The following PCLO variants were observed in gnomAD, a reference collection of about 807,000 sequenced individuals.
PCLO encodes protein piccolo.
In PCLO, 82 loss-of-function variants were observed where a neutral mutation model predicts 427.5. That is an observed-to-expected ratio of 0.19 (90% CI 0.16 to 0.23). The LOEUF (loss-of-function observed/expected upper bound fraction) is 0.23. PCLO is among the 10% of genes least tolerant of loss of function. The probability of loss-of-function intolerance (pLI) is 1.00; values close to 1 mark genes in which losing one functional copy is unlikely to be tolerated. For synonymous variants in PCLO, 2,357 were observed against 2,155.4 expected, an observed-to-expected ratio of 1.09 and a Z score of -2.59; for missense variants, 6,239 against 6,115.9, an observed-to-expected ratio of 1.02 and a Z score of -0.67.
In PCLO at chr7:82,953,151, A is replaced by G; in HGVS notation, c.7802T>C (p.Ile2601Thr). ...TPTDSSASQA[I>T]TSWPLGSPSK... Reference sequence around the variant, plus strand: ...GGGTGATCCCAAGGGCCAACTGGTAATTGCTTGACTAGCAGAAGAATCTGT... The same window carrying G: ...GGGTGATCCCAAGGGCCAACTGGTAGTTGCTTGACTAGCAGAAGAATCTGT... The change falls in exon 5 of 25, where the codon ATT becomes ACT. Residue 2601 changes from isoleucine to threonine, a missense_variant. Coordinates refer to ENST00000333891, the MANE Select transcript of PCLO (RefSeq NM_033026.6). 6.2e-7 allele frequency: 1 copy of G among 1,613,960 alleles called. No homozygotes were observed. The highest frequency in any genetic ancestry group is 1.3e-5 in the African/African-American group (1 of 75,048).
chr7:82,937,318 G>A (rs1437038848), intron 6 of PCLO, among the ~76,000 whole-genome samples: 2 of 148,414 alleles, frequency 1.3e-5, no homozygotes, highest in East Asian at 3.9e-4. Context: ...GGTAATGCCT[G>A]TTAACATCCA....
intron 20 of PCLO, among the ~76,000 whole-genome samples, chr7:82,815,235 A>C (rs1356435531): frequency 6.6e-6 from 1 of 152,030 alleles, no homozygotes; most frequent in Non-Finnish European, 1.5e-5. Context: ...TGTGCACAGA[A>C]ACCCGGAGTA....
chr7:83,053,858 A>G (rs1789313313), intron 3 of PCLO, among the ~76,000 whole-genome samples: 1 of 152,004 alleles, frequency 6.6e-6, no homozygotes, highest in African/African-American at 2.4e-5. Flanking sequence ...AAAATGTCAA[A>G]CTTTAACAAA....
intron 3 of PCLO, among the ~76,000 whole-genome samples, chr7:83,114,703 G>A (rs1376436076): frequency 6.6e-6 from 1 of 152,024 alleles, no homozygotes; most frequent in African/African-American, 2.4e-5. Context: ...TCATCCATAT[G>A]TATTATCAGA....
Position 82,966,351 on chromosome 7 carries a change from T to C in PCLO, c.3437A>G (p.Gln1146Arg). 2.5e-6 allele frequency: 4 copies of C among 1,613,928 alleles called. No individual in the cohort carries two copies. Among genetic ancestry groups the C allele is most frequent in the Non-Finnish European group, 3.4e-6 (4 of 1,179,862 alleles). The change falls in exon 4 of 25, where the codon CAG becomes CGG. Residue 1146 changes from glutamine to arginine, a missense_variant. Gln to Arg is a conservative substitution (Grantham distance 43, BLOSUM62 1). Around this residue, in one of 5 missense-constraint regions of PCLO, gnomAD observed 4,677 missense variants for 4,468.4 expected, o/e 1.05. Coordinates refer to ENST00000333891, the MANE Select transcript of PCLO (RefSeq NM_033026.6). ...PMPVPTESSSQKTAVPPQVKL... is the reference protein window; with the variant it reads ...PMPVPTESSSRKTAVPPQVKL... ...TACTTGGGGAGGCACTGCTGTTTTCTGAGATGATGATTCTGTAGGAACAGG... is the reference window on the plus strand; with the variant it reads ...TACTTGGGGAGGCACTGCTGTTTTCCGAGATGATGATTCTGTAGGAACAGG...
intron 9 of PCLO, among the ~76,000 whole-genome samples, chr7:82,887,840 C>A (rs184701726): frequency 1.7e-4 from 26 of 152,118 alleles, no homozygotes; most frequent in Admixed American, 3.9e-4. Context: ...GAGGCCAAGG[C>A]GGGCTAATCA....
intron 5 of PCLO, 66 bp from the exon 6 acceptor site, chr7:82,951,556 C>G (rs1299417558): frequency 1.8e-6 from 2 of 1,118,370 alleles, no homozygotes; most frequent in South Asian, 1.6e-5. Flanking sequence ...GTTTGAAAAC[C>G]CTCTCATCTT....
chr7:83,121,780 G>A (rs891465871), intron 3 of PCLO, among the ~76,000 whole-genome samples: 1 of 152,020 alleles, frequency 6.6e-6, no homozygotes, highest in African/African-American at 2.4e-5. Flanking sequence ...ATCAAAGAAG[G>A]TAATAATATA....
At position 83,162,522 on chromosome 7, in the gene PCLO, C is replaced by A; in HGVS notation, c.71G>T (p.Gly24Val). The change falls in exon 1 of 25, where the codon GGA (glycine) becomes GTA (valine). Residue 24 changes from glycine (G) to valine (V), a missense_variant. Physicochemically the swap from Gly to Val is moderately radical, Grantham distance 109. Coordinates refer to ENST00000333891, the MANE Select transcript of PCLO (RefSeq NM_033026.6). ...EGLAAAAAAG[G>V]GASGAGSPSH... ...GGGGCTCCCCGCCCCGCTAGCTCCT[C>A]CTCCAGCCGCTGCGGCCGCCGCCAG... The A allele has an allele frequency of 6.4e-7, 1 of 1,558,020 alleles. No individual in the cohort carries two copies. The highest frequency in any genetic ancestry group is 8.7e-7 in the Non-Finnish European group (1 of 1,152,060).
At position 82,757,498 on chromosome 7, in the gene PCLO, A is replaced by G. The variant is rs1790343118; in HGVS notation, c.*1077T>C. ...CAATCAGTAAATGAATTAAGTCATT[A>G]AGGAAAAAAGCATAAAATATTATGA... On this transcript the variant is annotated 3_prime_UTR_variant, in exon 25 of 25. Transcript: ENST00000333891. The G allele has an allele frequency of 6.6e-6, 1 of 152,006 alleles. No individual in the cohort carries two copies. The highest frequency in any genetic ancestry group is 2.4e-5 in the African/African-American group (1 of 41,416). The allele number at this position is 152,006 out of a possible 1,614,324, so 9.4% of individuals were successfully genotyped here.
At chr7:82,821,900 A>AT (rs1290607910) in intron 20 of PCLO, 5 of 985,362 alleles carry the variant, frequency 5.1e-6, no homozygotes, top group Admixed American at 6.1e-5. Flanking sequence ...GAAGACTACA[A>AT]TTTTTTGCAC....
At chr7:82,810,300 T>C (rs1791542401) in intron 20 of PCLO, among the ~76,000 whole-genome samples, 1 of 151,892 alleles carries the variant, frequency 6.6e-6, no homozygotes, top group African/African-American at 2.4e-5. Context: ...GGACCTACTA[T>C]GTGTGAATGT....
At chr7:82,819,917 C>T (rs548398235) in intron 20 of PCLO, among the ~76,000 whole-genome samples, 2 of 152,108 alleles carry the variant, frequency 1.3e-5, no homozygotes, top group South Asian at 2.1e-4. Context: ...ATAGTACTAT[C>T]CTATTTTAAA....
In PCLO at chr7:82,915,220, T is replaced by TAA; in HGVS notation, c.12764_12765dup (p.Met4256LeufsTer13). On this transcript the variant is annotated frameshift_variant, in exon 7 of 25. Coordinates refer to ENST00000333891, the MANE Select transcript of PCLO (RefSeq NM_033026.6). LOFTEE classifies it high-confidence loss of function. ...AGTCCTGTGCCAAGAGAAGATCCCA[T>TAA]AAATTTTTGTTGGTCTGTAATATTT... 6.2e-7 allele frequency: 1 copy of TAA among 1,613,050 alleles called. No individual in the cohort carries two copies. The highest frequency in any genetic ancestry group is 8.5e-7 in the Non-Finnish European group (1 of 1,179,552).
intron 3 of PCLO, among the ~76,000 whole-genome samples, chr7:83,050,400 A>G (rs1399407759): frequency 6.6e-6 from 1 of 151,512 alleles, no homozygotes; most frequent in Admixed American, 6.6e-5. Flanking sequence ...TCTATATACT[A>G]TTATTTCTTG....
intron 3 of PCLO, among the ~76,000 whole-genome samples, chr7:83,051,755 G>A (rs1365248847): frequency 6.6e-6 from 1 of 151,994 alleles, no homozygotes; most frequent in African/African-American, 2.4e-5. Flanking sequence ...TCAGAATACT[G>A]AAGAAGAAGA....
chr7:82,830,556 C>A (rs952713588), intron 16 of PCLO, among the ~76,000 whole-genome samples: 1 of 151,852 alleles, frequency 6.6e-6, no homozygotes, highest in African/African-American at 2.4e-5. Flanking sequence ...GGTGAATATA[C>A]ATAGGAAACA....
At chr7:83,099,025 C>A (rs1446230506) in intron 3 of PCLO, among the ~76,000 whole-genome samples, 1 of 151,660 alleles carries the variant, frequency 6.6e-6, no homozygotes, top group East Asian at 1.9e-4. Flanking sequence ...CAATGAAATA[C>A]ATCTGTAGGG....
intron 9 of PCLO, 91 bp downstream of exon 9, chr7:82,902,560 A>G: frequency 1.4e-6 from 1 of 706,598 alleles, no homozygotes; most frequent in Non-Finnish European, 2.4e-6. Context: ...CATGTACCCT[A>G]AAACTGAAAG....
Sources: allele counts gnomAD v4.1 joint callset (sites outside exome capture counted in the v4.1 genomes callset), GRCh38; gene constraint gnomAD v4.1.1; regional missense constraint gnomAD v4.1.1; transcripts MANE v1.5; gene names NCBI Gene and HGNC (gene_info 2026-07-23, HGNC 2026-07-21).